Variants in NARS2 observed in about 807,000 individuals in gnomAD.
The protein encoded by NARS2 is asparaginyl-tRNA synthetase.
Under a neutral mutation model 62.9 loss-of-function variants are expected in NARS2, and 60 were observed. That is an observed-to-expected ratio of 0.95 (90% CI 0.77 to 1.18). NARS2 has a LOEUF of 1.18. Ranked by LOEUF, NARS2 falls within the 50% of genes most tolerant of loss-of-function variation. The pLI is 0.00. For missense variants in NARS2, 619 were observed against 576.4 expected (o/e 1.07, Z -0.76); for synonymous variants, 196 against 200.0 (o/e 0.98, Z 0.17).
intron 6 of NARS2, among the ~76,000 whole-genome samples, chr11:78,513,317 A>G (rs750284228): frequency 7.9e-5 from 12 of 150,962 alleles, no homozygotes; most frequent in Non-Finnish European, 1.2e-4. Context: ...AATATTAAGT[A>G]TAAAATACTA....
At chr11:78,517,369 AAGAAC>A (rs199512809) in intron 6 of NARS2, among the ~76,000 whole-genome samples, 2,326 of 152,356 alleles carry the variant, frequency 0.015, 29 homozygotes, top group Middle Eastern at 0.037. Flanking sequence ...TCCTCAACCA[AAGAAC>A]ACAACTGGCA....
chr11:78,502,369 A>T (rs114684333), intron 6 of NARS2, among the ~76,000 whole-genome samples: 2,722 of 152,126 alleles, frequency 0.018, 78 homozygotes, highest in African/African-American at 0.062. Context: ...CCTCATGTGG[A>T]TTTTCCTTTG....
chr11:78,571,631 G>A, intron 1 of NARS2, 187 bp from the exon 2 acceptor site: 1 of 483,728 alleles, frequency 2.1e-6, no homozygotes, highest in Admixed American at 3.4e-5. Context: ...ACACACTTTG[G>A]TATTCTATCT....
intron 6 of NARS2, among the ~76,000 whole-genome samples, chr11:78,523,808 G>A (rs906988335): frequency 3.3e-5 from 5 of 152,118 alleles, no homozygotes; most frequent in African/African-American, 4.8e-5. Flanking sequence ...GCCCAGGGGT[G>A]GGGGCAAAGA....
rs202102587 is a variant in NARS2, at chr11:78,466,017, T to A, written c.1027-4A>T. ...CAGTCCGTAGGTCAGCACCCCACTGTAATGAGAAGAAAGAAATGACCAAAA... is the reference window on the plus strand; with the variant it reads ...CAGTCCGTAGGTCAGCACCCCACTGAAATGAGAAGAAAGAAATGACCAAAA... On this transcript the variant is annotated splice_region_variant and splice_polypyrimidine_tract_variant and intron_variant, in intron 10 of 13. Coordinates refer to ENST00000281038, the MANE Select transcript of NARS2 (RefSeq NM_024678.6). The A allele has an allele frequency of 1.8e-5, 28 of 1,581,696 alleles. No homozygotes were observed. In the African/African-American group the frequency reaches 3.3e-4, roughly 19 times the overall value.
At chr11:78,539,619 A>C (rs1233311498) in intron 5 of NARS2, among the ~76,000 whole-genome samples, 1 of 152,230 alleles carries the variant, frequency 6.6e-6, no homozygotes, top group Non-Finnish European at 1.5e-5. Context: ...ACAGTTTGGC[A>C]GTCAGTATGT....
In NARS2 at chr11:78,467,337, C is replaced by T. The variant is rs572417456; in HGVS notation, c.1027-1324G>A. ...GCCGAGGAGTGCTTGAGCACAGAAG[C>T]CCGAGACTAGCCTAGGCAACATAAC... On this transcript the variant is annotated intron_variant, in intron 10 of 13. Coordinates refer to ENST00000281038, the MANE Select transcript of NARS2 (RefSeq NM_024678.6). Among the ~76,000 whole-genome samples, 21 of 152,056 alleles carry T rather than the reference C, an allele frequency of 1.4e-4. No homozygotes were observed. The South Asian group carries it at 3.9e-3, about 29-fold the overall frequency.
chr11:78,562,802 A>G (rs2135524175), intron 4 of NARS2, among the ~76,000 whole-genome samples: 1 of 152,364 alleles, frequency 6.6e-6, no homozygotes, highest in Non-Finnish European at 1.5e-5. Flanking sequence ...AAACCAAGAA[A>G]TAACCTTAGA....
At chr11:78,520,125 C>T (rs558549099) in intron 6 of NARS2, among the ~76,000 whole-genome samples, 113 of 152,298 alleles carry the variant, frequency 7.4e-4, no homozygotes, top group Middle Eastern at 3.4e-3. Context: ...TTTCCTAAGG[C>T]TGCCATGAGA....
intron 9 of NARS2, among the ~76,000 whole-genome samples, chr11:78,472,031 C>T (rs534035776): frequency 1.3e-5 from 2 of 152,106 alleles, no homozygotes; most frequent in East Asian, 3.9e-4. Flanking sequence ...AGATTTTGTA[C>T]CATTGGTATG....
At chr11:78,450,541 T>C (rs1275976341) in intron 11 of NARS2, among the ~76,000 whole-genome samples, 1 of 152,162 alleles carries the variant, frequency 6.6e-6, no homozygotes, top group Non-Finnish European at 1.5e-5. Context: ...CCTCTTAAGA[T>C]ACCTGTATCT....
chr11:78,483,383 C>G (rs111932155), intron 7 of NARS2, among the ~76,000 whole-genome samples: 1 of 152,026 alleles, frequency 6.6e-6, no homozygotes, highest in African/African-American at 2.4e-5. Context: ...TGGAAGTTCT[C>G]GCCAGGGCAA....
intron 5 of NARS2, among the ~76,000 whole-genome samples, chr11:78,558,762 G>T (rs1226689140): frequency 6.6e-6 from 1 of 152,026 alleles, no homozygotes; most frequent in African/African-American, 2.4e-5. Flanking sequence ...AGCCTTCATG[G>T]GATGAACAAA....
chr11:78,485,921 C>A (rs1380682876), intron 7 of NARS2, among the ~76,000 whole-genome samples: 1 of 152,176 alleles, frequency 6.6e-6, no homozygotes, highest in Non-Finnish European at 1.5e-5. Flanking sequence ...GTCGCCCAGG[C>A]TGGAGTGTAG....
chr11:78,551,625 C>T (rs980052339), intron 5 of NARS2, among the ~76,000 whole-genome samples: 97 of 151,886 alleles, frequency 6.4e-4, no homozygotes, highest in African/African-American at 2.3e-3. Flanking sequence ...CCAAGGCGGA[C>T]GGATCACCTG....
chr11:78,560,103 A>G (rs1856506728), intron 4 of NARS2, among the ~76,000 whole-genome samples: 1 of 152,238 alleles, frequency 6.6e-6, no homozygotes, highest in African/African-American at 2.4e-5. Context: ...TTATCTTGAA[A>G]TATGACCTCA....
At position 78,536,525 on chromosome 11, in the gene NARS2, T is replaced by G. The variant is rs143077601; in HGVS notation, c.595-7589A>C. 2.9e-3 allele frequency among the ~76,000 whole-genome samples: 439 copies of G among 152,146 alleles called. 2 individuals carry two copies. The highest frequency in any genetic ancestry group is 9.8e-3 in the African/African-American group (405 of 41,496). ...CTAATGTATTTTTGTGTCTTAGTTT[T>G]TAACAAAAATGTATAAACAGTAAAA... On this transcript the variant is annotated intron_variant, in intron 5 of 13. Coordinates refer to ENST00000281038, the MANE Select transcript of NARS2 (RefSeq NM_024678.6).
rs748587581 is a variant in NARS2, at chr11:78,566,267, G to A, written c.378C>T (p.Phe126=). The part of the protein sequence containing the change: ...KVIGNCDAKD[F]PIKYKERHPL... Reference sequence around the variant, plus strand: ...GATGCCTCTCTTTATATTTGATGGGGAAATCCTGCCAATAAATGAAAAGAA... The same window carrying A: ...GATGCCTCTCTTTATATTTGATGGGAAAATCCTGCCAATAAATGAAAAGAA... Residue 126 remains phenylalanine (F), a synonymous_variant, in exon 4 of 14, where the codon TTC becomes TTT. Coordinates refer to ENST00000281038, the MANE Select transcript of NARS2 (RefSeq NM_024678.6). 1.3e-6 allele frequency: 2 copies of A among 1,577,608 alleles called. No homozygotes were observed. The highest frequency in any genetic ancestry group is 4.5e-5 in the East Asian group (2 of 44,200).
chr11:78,474,921 TGC>T (rs1859024176), intron 9 of NARS2, among the ~76,000 whole-genome samples: 13 of 152,144 alleles, frequency 8.5e-5, no homozygotes, highest in Admixed American at 3.3e-4. Flanking sequence ...CTTTTTTTTT[TGC>T]AGTGAGAAGA....
Sources: allele counts gnomAD v4.1 joint callset (sites outside exome capture counted in the v4.1 genomes callset), GRCh38; gene constraint gnomAD v4.1.1; transcripts MANE v1.5; gene names NCBI Gene and HGNC (gene_info 2026-07-23, HGNC 2026-07-21).